LRCH1: variants seen among roughly 807,000 people sequenced by gnomAD.
The protein encoded by LRCH1 is leucine rich repeats and calponin homology domain containing 1.
Under a neutral mutation model 94.9 loss-of-function variants are expected in LRCH1, and 23 were observed. That is an observed-to-expected ratio of 0.24 (90% CI 0.17 to 0.34). The LOEUF (loss-of-function observed/expected upper bound fraction) is 0.34, where lower values mean the gene tolerates loss of function less well. Ranked by LOEUF, LRCH1 falls within the 10% of genes least tolerant of loss-of-function variation. The pLI is 1.00. For synonymous variants in LRCH1, 364 were observed against 354.9 expected (o/e 1.03, Z -0.29); for missense variants, 790 against 945.9 (o/e 0.84, Z 2.16).
At chr13:46,681,188 C>G (rs1417279337) in intron 3 of LRCH1, among the ~76,000 whole-genome samples, 1 of 152,202 alleles carries the variant, frequency 6.6e-6, no homozygotes, top group African/African-American at 2.4e-5. Context: ...GTGAAGAACT[C>G]CATTTTAAAT....
chr13:46,715,434 A>G (rs1454416515), intron 15 of LRCH1, 126 bp from the exon 16 acceptor site: 1 of 634,712 alleles, frequency 1.6e-6, no homozygotes, highest in Non-Finnish European at 2.8e-6. Flanking sequence ...ATTAAACCCC[A>G]TATAAATGAA....
intron 1 of LRCH1, among the ~76,000 whole-genome samples, chr13:46,559,171 G>C (rs2050102993): frequency 6.6e-6 from 1 of 152,098 alleles, no homozygotes; most frequent in Non-Finnish European, 1.5e-5. Flanking sequence ...CATAATTTTT[G>C]CCATCAATAT....
intron 1 of LRCH1, among the ~76,000 whole-genome samples, chr13:46,583,682 A>G (rs1323963834): frequency 6.6e-6 from 1 of 152,140 alleles, no homozygotes; most frequent in Non-Finnish European, 1.5e-5. Context: ...ATTTAATCTG[A>G]CTAGATTACT....
In LRCH1 at chr13:46,732,056, A is replaced by T. The variant is rs142376265; in HGVS notation, c.2008-1865A>T. ...CTGGGGATTTTGTCTTTGGCTCCAC[A>T]GTTGTATCTTTAGCATCAAGTTTAG... On this transcript the variant is annotated intron_variant, in intron 18 of 19. Coordinates refer to ENST00000389797, the MANE Select transcript of LRCH1 (RefSeq NM_001164211.2). 2.6e-3 allele frequency among the ~76,000 whole-genome samples: 389 copies of T among 152,162 alleles called. 1 individual carries two copies. Among genetic ancestry groups the T allele is most frequent in the African/African-American group, 8.9e-3 (369 of 41,432 alleles).
At chr13:46,732,685 G>A (rs748280054) in intron 18 of LRCH1, among the ~76,000 whole-genome samples, 5 of 152,272 alleles carry the variant, frequency 3.3e-5, no homozygotes, top group Admixed American at 2.6e-4. Context: ...AGAGAGAAAC[G>A]CTAGGGTCTT....
chr13:46,650,868 T>A (rs74076682), intron 2 of LRCH1, among the ~76,000 whole-genome samples: 13,442 of 152,228 alleles, frequency 0.088, 693 homozygotes, highest in Middle Eastern at 0.16. Context: ...TCTAGCCAGA[T>A]ACAAAGTTTG....
chr13:46,600,615 A>C (rs1160956599), intron 1 of LRCH1, among the ~76,000 whole-genome samples: 1 of 121,214 alleles, frequency 8.2e-6, no homozygotes, highest in African/African-American at 3.4e-5. Flanking sequence ...TCCTGACCAG[A>C]TTTACACACA....
At chr13:46,564,948 C>G (rs914409796) in intron 1 of LRCH1, among the ~76,000 whole-genome samples, 1 of 152,156 alleles carries the variant, frequency 6.6e-6, no homozygotes. Context: ...TCTTCAGTCA[C>G]GTAGATAATT....
chr13:46,741,806 G>A lies in LRCH1; in HGVS notation c.2250G>A (p.Val750=). ...GTCTTGTCCATATTCTCTTTATAGT[G>A]CTGGTCTATATCACTTACCACTGGA... ...GFCLVHILFI[V]LVYITYHWNA... is the part of the protein sequence containing the mutation. Residue 750 remains valine (V), a synonymous_variant, in exon 20 of 20, where the codon GTG becomes GTA. Coordinates refer to ENST00000389797, the MANE Select transcript of LRCH1 (RefSeq NM_001164211.2). 1 of 1,614,154 alleles carries A rather than the reference G, an allele frequency of 6.2e-7. No individual in the cohort carries two copies. Among genetic ancestry groups the A allele is most frequent in the Non-Finnish European group, 8.5e-7 (1 of 1,180,022 alleles).
chr13:46,650,399 A>G, intron 2 of LRCH1, 54 bp downstream of exon 2: 3 of 1,459,596 alleles, frequency 2.1e-6, no homozygotes, highest in Non-Finnish European at 2.8e-6. Context: ...TAAAAAACTT[A>G]TGCTTTCATT....
At chr13:46,599,303 G>A (rs759169576) in intron 1 of LRCH1, among the ~76,000 whole-genome samples, 2 of 152,132 alleles carry the variant, frequency 1.3e-5, no homozygotes, top group Non-Finnish European at 2.9e-5. Flanking sequence ...TGCCATGAAC[G>A]TGGGTTTGCA....
chr13:46,712,622 T>A (rs780553493), intron 15 of LRCH1, 25 bp downstream of exon 15: 3 of 1,586,932 alleles, frequency 1.9e-6, no homozygotes, highest in Admixed American at 1.7e-5. Flanking sequence ...CAGCCCATTC[T>A]TACACTAAAT....
rs139011028 is a variant in LRCH1 at position 46,741,494 on chromosome 13, G to A, written c.2086-148G>A. 41 of 847,806 alleles carry A rather than the reference G, an allele frequency of 4.8e-5. No individual in the cohort carries two copies. In the African/African-American group the frequency reaches 6.1e-4, roughly 13 times the overall value. 52.5% of individuals were successfully genotyped at this position (847,806 alleles called of 1,614,324 possible). ...TATGATGGATTAAAAAATCTTTGAT[G>A]ATGAAAGGGTCTTACCTGCTTGAAA... On this transcript the variant is annotated intron_variant, in intron 19 of 19. Transcript: ENST00000389797.
chr13:46,732,993 T>A (rs1383209706), intron 18 of LRCH1, among the ~76,000 whole-genome samples: 1 of 152,260 alleles, frequency 6.6e-6, no homozygotes. Context: ...TCTTTTTGTA[T>A]TTAATAAATG....
chr13:46,598,286 C>G (rs534128529), intron 1 of LRCH1, among the ~76,000 whole-genome samples: 1 of 151,988 alleles, frequency 6.6e-6, no homozygotes, highest in Admixed American at 6.6e-5. Context: ...TGCAAAATGG[C>G]CTCTTTTGAG....
chr13:46,705,230 C>T, intron 12 of LRCH1, 38 bp from the exon 13 acceptor site: 1 of 1,560,612 alleles, frequency 6.4e-7, no homozygotes, highest in Admixed American at 1.9e-5. Flanking sequence ...CTTTAAATTT[C>T]ACTTTGTATC....
Position 46,669,051 on chromosome 13 carries a change from G to A in LRCH1, c.474G>A (p.Leu158=), listed in dbSNP as rs564905243. Residue 158 remains leucine, a synonymous_variant, in exon 3 of 20, where the codon CTG becomes CTA. Coordinates refer to ENST00000389797, the MANE Select transcript of LRCH1 (RefSeq NM_001164211.2). ...LNLSRNQLSA[L]PACLCGLPLK... is the part of the protein sequence containing the mutation. ...GCAGTCGAAATCAGCTGTCCGCCCT[G>A]CCTGCCTGCCTGTGTGGTCTGCCTC... 1.2e-4 allele frequency: 200 copies of A among 1,608,978 alleles called. 3 individuals carry two copies. The South Asian group carries it at 1.8e-3, about 15-fold the overall frequency.
chr13:46,696,904 A>G (rs547852140), intron 9 of LRCH1, among the ~76,000 whole-genome samples: 3 of 152,112 alleles, frequency 2.0e-5, no homozygotes, highest in Non-Finnish European at 4.4e-5. Flanking sequence ...TTCCATCTCT[A>G]CAAAAAAACA....
intron 10 of LRCH1, among the ~76,000 whole-genome samples, chr13:46,700,004 G>A (rs1871382394): frequency 6.6e-6 from 1 of 152,148 alleles, no homozygotes; most frequent in African/African-American, 2.4e-5. Context: ...GGTCACAGAG[G>A]GCCAGCATTT....
Sources: allele counts gnomAD v4.1 joint callset (sites outside exome capture counted in the v4.1 genomes callset), GRCh38; gene constraint gnomAD v4.1.1; transcripts MANE v1.5; gene names NCBI Gene and HGNC (gene_info 2026-07-23, HGNC 2026-07-21).